Variants in CABIN1 observed in about 807,000 individuals in gnomAD.
CABIN1 encodes the protein calcineurin-binding protein cabin-1.
In CABIN1, 133 loss-of-function variants were observed where a neutral mutation model predicts 227.7. The ratio of observed to expected loss-of-function variants is 0.58; its 90% CI spans 0.51 to 0.67. The LOEUF (loss-of-function observed/expected upper bound fraction) is 0.67, where lower values mean the gene tolerates loss of function less well. CABIN1 is among the 30% of genes least tolerant of loss of function. The pLI is 0.00. For synonymous variants in CABIN1, 1,086 were observed against 1,155.1 expected, an observed-to-expected ratio of 0.94 and a Z score of 1.21; for missense variants, 2,408 against 2,852.5, an observed-to-expected ratio of 0.84 and a Z score of 3.55.
intron 5 of CABIN1, 114 bp from the exon 6 acceptor site, chr22:24,042,790 C>T (rs1027506601): frequency 2.0e-5 from 20 of 1,005,386 alleles, no homozygotes; most frequent in African/African-American, 9.0e-5. Context: ...CTCCCGTCCC[C>T]GGGGTGCATA....
At chr22:24,024,594 T>A (rs1419570638) in intron 1 of CABIN1, among the ~76,000 whole-genome samples, 2 of 152,220 alleles carry the variant, frequency 1.3e-5, no homozygotes, top group Non-Finnish European at 2.9e-5. Context: ...CCATTATTTC[T>A]TCGAATAATT....
At chr22:24,016,619 T>C (rs2035306417) in intron 1 of CABIN1, among the ~76,000 whole-genome samples, 1 of 152,366 alleles carries the variant, frequency 6.6e-6, no homozygotes, top group South Asian at 2.1e-4. Context: ...TCTGTGCATA[T>C]GTATTTTTGT....
chr22:24,132,102 C>T (rs1055794992), intron 28 of CABIN1, among the ~76,000 whole-genome samples: 3 of 151,654 alleles, frequency 2.0e-5, no homozygotes, highest in Non-Finnish European at 2.9e-5. Flanking sequence ...ACATCACCTT[C>T]TTGAGTCCAC....
intron 26 of CABIN1, among the ~76,000 whole-genome samples, chr22:24,104,578 G>A (rs1272336155): frequency 6.6e-6 from 1 of 152,204 alleles, no homozygotes; most frequent in Non-Finnish European, 1.5e-5. Context: ...ACACAATGCC[G>A]TCATGCCCAC....
intron 19 of CABIN1, among the ~76,000 whole-genome samples, chr22:24,081,310 T>C (rs552234955): frequency 4.6e-5 from 7 of 152,340 alleles, no homozygotes; most frequent in African/African-American, 1.4e-4. Flanking sequence ...GGGAGTGTTA[T>C]AATAAATTCT....
chr22:24,119,680 C>A lies in CABIN1; in HGVS notation c.4614C>A (p.Thr1538=). ...TCTACCGTCTGGCCTTCCTCTACACCTACAGCAAGACCCACCGGGTGAGTG... is the reference window on the plus strand; with the variant it reads ...TCTACCGTCTGGCCTTCCTCTACACATACAGCAAGACCCACCGGGTGAGTG... ...KSLYRLAFLY[T]YSKTHRNLQW... The change falls in exon 28 of 37, where the codon ACC becomes ACA. Residue 1538 remains threonine, a synonymous_variant. Transcript: ENST00000263119. The A allele has an allele frequency of 6.2e-7, 1 of 1,614,028 alleles. No individual in the cohort carries two copies. The highest frequency in any genetic ancestry group is 1.3e-5 in the African/African-American group (1 of 75,076).
chr22:24,171,932 G>C lies in CABIN1; in HGVS notation c.5977G>C (p.Asp1993His). 6.2e-7 allele frequency: 1 copy of C among 1,613,854 alleles called. No individual in the cohort carries two copies. Among genetic ancestry groups the C allele is most frequent in the South Asian group, 1.1e-5 (1 of 91,080 alleles). The change falls in exon 34 of 37, where the codon GAC (aspartate) becomes CAC (histidine). Residue 1993 changes from aspartate to histidine, a missense_variant. Asp to His is a moderately conservative substitution (Grantham distance 81). Around this residue, in one of 3 missense-constraint regions of CABIN1, gnomAD observed 714 missense variants for 773.8 expected, o/e 0.92. Transcript: ENST00000263119. ...ASASTLDQSK[D>H]PGPPRPHRPE... is the part of the protein sequence containing the mutation. ...AGCTTCCACCCTGGACCAGTCCAAG[G>C]ACCCTGGGCCTCCCCGGCCACACAG...
intron 8 of CABIN1, 49 bp from the exon 9 acceptor site, chr22:24,054,824 T>G: frequency 6.2e-7 from 1 of 1,612,964 alleles, no homozygotes. Context: ...ATGCTTGGAG[T>G]ATTCCTCTGA....
intron 25 of CABIN1, among the ~76,000 whole-genome samples, chr22:24,096,564 C>T (rs1355167700): frequency 6.6e-6 from 1 of 152,126 alleles, no homozygotes; most frequent in African/African-American, 2.4e-5. Flanking sequence ...AGGTGTGGTC[C>T]TCTCAGTGGG....
chr22:24,122,046 C>T (rs985173352), intron 28 of CABIN1, among the ~76,000 whole-genome samples: 4 of 150,934 alleles, frequency 2.7e-5, no homozygotes, highest in Admixed American at 6.6e-5. Flanking sequence ...AGTAGCGATA[C>T]GGGCCCCACC....
At chr22:24,148,007 GGC>G (rs767139525) in intron 29 of CABIN1, among the ~76,000 whole-genome samples, 4 of 152,176 alleles carry the variant, frequency 2.6e-5, no homozygotes, top group Non-Finnish European at 4.4e-5. Context: ...GGAGGGCTGT[GGC>G]CACAAGAAGC....
At position 24,178,121 on chromosome 22, in the gene CABIN1, G is replaced by C. The variant is rs1224597720; in HGVS notation, c.6588G>C (p.Glu2196Asp). 6.2e-7 allele frequency: 1 copy of C among 1,613,836 alleles called. No individual in the cohort carries two copies. Among genetic ancestry groups the C allele is most frequent in the African/African-American group, 1.3e-5 (1 of 75,044 alleles). ...RKESLCQPAL[E>D]VLETSSQESS... is the part of the protein sequence containing the mutation. ...AGAGCCTATGCCAGCCAGCCCTGGAGGTCCTGGAGACATCCAGCCAGGAGT... is the reference window on the plus strand; with the variant it reads ...AGAGCCTATGCCAGCCAGCCCTGGACGTCCTGGAGACATCCAGCCAGGAGT... The change falls in exon 37 of 37, where the codon GAG (glutamate) becomes GAC (aspartate). Residue 2196 changes from glutamate to aspartate, a missense_variant. Transcript: ENST00000263119.
At chr22:24,169,082 G>A (rs2046633175) in intron 33 of CABIN1, among the ~76,000 whole-genome samples, 2 of 152,032 alleles carry the variant, frequency 1.3e-5, no homozygotes, top group Admixed American at 1.3e-4. Context: ...GGGGGGGGCG[G>A]GGTCCAAGAT....
intron 28 of CABIN1, among the ~76,000 whole-genome samples, chr22:24,124,027 AGGGCACAG>A (rs1349882176): frequency 1.3e-5 from 2 of 152,242 alleles, no homozygotes; most frequent in Non-Finnish European, 2.9e-5. Flanking sequence ...AACCGCCTTC[AGGGCACAG>A]TGTGCCACTT....
intron 29 of CABIN1, among the ~76,000 whole-genome samples, chr22:24,143,612 G>A (rs571637539): frequency 6.6e-6 from 1 of 152,358 alleles, no homozygotes; most frequent in South Asian, 2.1e-4. Context: ...GGGCCTGGCT[G>A]TGCCTGGCCT....
chr22:24,056,125 T>C, intron 9 of CABIN1, 67 bp from the exon 10 acceptor site: 1 of 1,316,024 alleles, frequency 7.6e-7, no homozygotes, highest in Non-Finnish European at 1.1e-6. Context: ...GAGATTGATG[T>C]GTCTGTGTGG....
intron 1 of CABIN1, chr22:24,011,772 G>A (rs1356465168): frequency 6.6e-6 from 1 of 152,260 alleles, no homozygotes; most frequent in Non-Finnish European, 1.5e-5. Context: ...GGAAACTGAG[G>A]CCGCGGGTAG....
chr22:24,092,070 CAGAAGAAAATTGT>C (rs2041584437), intron 24 of CABIN1: 1 of 610,136 alleles, frequency 1.6e-6, no homozygotes. Context: ...TCTTATCTCT[CAGAAGAAAATTGT>C]CTTTCCTCAC....
chr22:24,153,994 T>C (rs1394024310), intron 29 of CABIN1, among the ~76,000 whole-genome samples: 2 of 152,184 alleles, frequency 1.3e-5, no homozygotes, highest in African/African-American at 4.8e-5. Flanking sequence ...TCTTTGGCAA[T>C]GTGTCTGAGA....
Sources: gnomAD v4.1 joint callset for allele counts (sites outside exome capture counted in the v4.1 genomes callset) on GRCh38, gnomAD v4.1.1 for gene constraint, gnomAD v4.1.1 regional missense constraint, MANE v1.5 for transcripts, NCBI Gene and HGNC (gene_info 2026-07-23, HGNC 2026-07-21) for gene names.